The following HERC4 variants were observed in gnomAD, a reference collection of about 807,000 sequenced individuals.
HERC4 encodes HECT and RLD domain containing E3 ubiquitin protein ligase 4.
In HERC4, 28 loss-of-function variants were observed where a neutral mutation model predicts 124.3. That is an observed-to-expected ratio of 0.23 (90% CI 0.17 to 0.31). The LOEUF (loss-of-function observed/expected upper bound fraction) is 0.31. Among genes scored for constraint, HERC4 ranks in the 10% least tolerant of loss-of-function variants. HERC4 has a pLI of 1.00. For synonymous variants in HERC4, 407 were observed against 421.5 expected, an observed-to-expected ratio of 0.97 and a Z score of 0.42; for missense variants, 713 against 1,229.3, an observed-to-expected ratio of 0.58 and a Z score of 6.28.
At chr10:67,972,191 G>A (rs1564490143) in intron 15 of HERC4, among the ~76,000 whole-genome samples, 1 of 142,858 alleles carries the variant, frequency 7.0e-6, no homozygotes, top group Non-Finnish European at 1.5e-5. Flanking sequence ...TCCAGTCTGG[G>A]TGACAGGAGT....
chr10:67,946,017 C>T (rs993731242), intron 19 of HERC4, among the ~76,000 whole-genome samples: 3 of 151,904 alleles, frequency 2.0e-5, no homozygotes, highest in Admixed American at 1.3e-4. Context: ...CTTAGTGAGG[C>T]GGAGGTAGGC....
intron 16 of HERC4, chr10:67,961,031 TG>T: frequency 3.3e-6 from 1 of 304,322 alleles, no homozygotes; most frequent in Non-Finnish European, 6.2e-6. Context: ...CTTCTGTACC[TG>T]ACCATTGCGT....
intron 24 of HERC4, among the ~76,000 whole-genome samples, chr10:67,924,016 T>A (rs1212140707): frequency 6.6e-6 from 1 of 151,942 alleles, no homozygotes. Flanking sequence ...TTATTTTATA[T>A]AGAAATTGCC....
intron 9 of HERC4, among the ~76,000 whole-genome samples, chr10:68,013,056 C>T (rs1417935082): frequency 6.6e-6 from 1 of 152,144 alleles, no homozygotes; most frequent in South Asian, 2.1e-4. Context: ...TTCTCAGATA[C>T]TGTGATTTTT....
At chr10:67,951,294 C>T (rs1246218733) in intron 19 of HERC4, among the ~76,000 whole-genome samples, 3 of 152,162 alleles carry the variant, frequency 2.0e-5, no homozygotes, top group African/African-American at 7.2e-5. Context: ...AGACCAGTGC[C>T]AGGAAGGAGG....
At chr10:67,977,891 G>A (rs2035689881) in intron 15 of HERC4, among the ~76,000 whole-genome samples, 1 of 152,056 alleles carries the variant, frequency 6.6e-6, no homozygotes, top group African/African-American at 2.4e-5. Flanking sequence ...TGAGGTGGGA[G>A]GACTGCTTGA....
chr10:68,066,277 TG>T (rs1401751216), intron 3 of HERC4, among the ~76,000 whole-genome samples: 2 of 152,198 alleles, frequency 1.3e-5, no homozygotes, highest in African/African-American at 4.8e-5. Flanking sequence ...TATGATATAT[TG>T]GGAATACAGA....
In HERC4 at chr10:67,922,927, A is replaced by C; in HGVS notation, c.*4T>G. 1.3e-6 allele frequency: 2 copies of C among 1,584,132 alleles called. No homozygotes were observed. Among genetic ancestry groups the C allele is most frequent in the Non-Finnish European group, 1.7e-6 (2 of 1,158,700 alleles). The stretch of plus-strand genomic sequence containing the variant: ...CACTAAACTGAATAGTTATAACTCC[A>C]AAGTTATATTAAACTGAAGCCTTCA... On this transcript the variant is annotated 3_prime_UTR_variant, in exon 25 of 25. Coordinates refer to ENST00000373700, the MANE Select transcript of HERC4 (RefSeq NM_015601.4).
chr10:68,013,085 G>A (rs1487536340), intron 9 of HERC4, among the ~76,000 whole-genome samples: 1 of 152,150 alleles, frequency 6.6e-6, no homozygotes, highest in Non-Finnish European at 1.5e-5. Flanking sequence ...AAGGTTTGGG[G>A]CAACCCTGCA....
chr10:68,036,577 C>T (rs863874), intron 5 of HERC4, among the ~76,000 whole-genome samples: 80,694 of 151,942 alleles, frequency 0.53, 25,456 homozygotes, highest in African/African-American at 0.86. Flanking sequence ...TTATAACAGA[C>T]TTCTCTTTTT....
At chr10:68,003,122 A>T (rs1444198419) in intron 9 of HERC4, among the ~76,000 whole-genome samples, 1 of 151,980 alleles carries the variant, frequency 6.6e-6, no homozygotes, top group East Asian at 1.9e-4. Context: ...TGTGCTATGA[A>T]ATACTAGACC....
intron 1 of HERC4, chr10:68,074,556 T>G (rs1172784892): frequency 6.6e-6 from 1 of 152,118 alleles, no homozygotes; most frequent in Non-Finnish European, 1.5e-5. Flanking sequence ...CAGCAACAGG[T>G]AGGGAAATGA....
At chr10:67,969,636 G>C (rs1414341552) in intron 15 of HERC4, among the ~76,000 whole-genome samples, 1 of 152,162 alleles carries the variant, frequency 6.6e-6, no homozygotes, top group Non-Finnish European at 1.5e-5. Context: ...CCCATGTCTT[G>C]TTGCTGAGGG....
At chr10:67,959,654 ATAAGGTATCTTACATTAAGCATTCTTT>A (rs1470027811) in intron 16 of HERC4, among the ~76,000 whole-genome samples, 6 of 152,340 alleles carry the variant, frequency 3.9e-5, no homozygotes, top group Admixed American at 3.3e-4. Context: ...ACAGTAAAAC[ATAAGGTATCTTACATTAAGCATTCTTT>A]AAAACTGAAT....
chr10:68,052,587 T>C (rs1201420878), intron 3 of HERC4, among the ~76,000 whole-genome samples: 1 of 152,206 alleles, frequency 6.6e-6, no homozygotes, highest in African/African-American at 2.4e-5. Context: ...CAGGTTCTTG[T>C]TGCAAAATAT....
At chr10:68,026,851 AATTAG>A (rs2038928733) in intron 7 of HERC4, among the ~76,000 whole-genome samples, 1 of 150,348 alleles carries the variant, frequency 6.7e-6, no homozygotes, top group African/African-American at 2.5e-5. Flanking sequence ...AAAAAAAAAA[AATTAG>A]TTAGGCATGG....
intron 19 of HERC4, among the ~76,000 whole-genome samples, chr10:67,941,565 TATA>T (rs2032892436): frequency 1.3e-5 from 2 of 151,944 alleles, no homozygotes; most frequent in South Asian, 4.2e-4. Flanking sequence ...TATTTCCACC[TATA>T]ATAAGCTCAG....
Position 68,071,288 on chromosome 10 carries a change from T to C in HERC4, c.226+1595A>G, listed in dbSNP as rs145260841. The stretch of plus-strand genomic sequence containing the variant: ...GTTTCTCAGAATCTCATCTATACAG[T>C]TGGAGGCTGTTCCTGGCACTATAAT... On this transcript the variant is annotated intron_variant, in intron 3 of 24. Transcript: ENST00000373700. Among the ~76,000 whole-genome samples the C allele has an allele frequency of 5.1e-3, 776 of 152,330 alleles. 11 individuals carry two copies. The highest frequency in any genetic ancestry group is 0.018 in the African/African-American group (742 of 41,574).
At chr10:67,937,971 T>C (rs558704137) in intron 21 of HERC4, among the ~76,000 whole-genome samples, 12 of 151,662 alleles carry the variant, frequency 7.9e-5, no homozygotes, top group Non-Finnish European at 1.8e-4. Context: ...CGTGAGCCAC[T>C]GTGCCCGGAC....
Sources: gnomAD v4.1 joint callset for allele counts (sites outside exome capture counted in the v4.1 genomes callset) on GRCh38, gnomAD v4.1.1 for gene constraint, MANE v1.5 for transcripts, NCBI Gene and HGNC (gene_info 2026-07-23, HGNC 2026-07-21) for gene names.